Variants in SOX5 observed in about 807,000 individuals in gnomAD.
SOX5 encodes SRY-box transcription factor 5.
SOX5 carries 9 observed loss-of-function variants against 92.0 expected under a neutral mutation model. The ratio of observed to expected loss-of-function variants is 0.10; its 90% CI spans 0.06 to 0.17. SOX5 has a LOEUF of 0.17. Ranked by LOEUF, SOX5 falls within the 10% of genes least tolerant of loss-of-function variation. The pLI is 1.00. For missense variants in SOX5, 642 were observed against 944.5 expected (o/e 0.68, Z 4.20); for synonymous variants, 344 against 336.3 (o/e 1.02, Z -0.25).
intron 6 of SOX5, among the ~76,000 whole-genome samples, chr12:23,730,899 G>C (rs1304110301): frequency 6.6e-6 from 1 of 152,166 alleles, no homozygotes; most frequent in Non-Finnish European, 1.5e-5. Context: ...GGATTACCTA[G>C]ATACCTGGTA....
chr12:23,589,600 A>T (rs1951234818), intron 9 of SOX5, among the ~76,000 whole-genome samples: 1 of 152,014 alleles, frequency 6.6e-6, no homozygotes, highest in Non-Finnish European at 1.5e-5. Context: ...GCTGGGAAGT[A>T]AGGCATAGTT....
intron 4 of SOX5, among the ~76,000 whole-genome samples, chr12:24,063,849 G>A (rs1940183658): frequency 6.6e-6 from 1 of 152,172 alleles, no homozygotes; most frequent in Non-Finnish European, 1.5e-5. Context: ...TAATATCTCT[G>A]GGCCTCTGTT....
At chr12:24,089,593 A>G (rs749483260) in intron 4 of SOX5, among the ~76,000 whole-genome samples, 1 of 152,176 alleles carries the variant, frequency 6.6e-6, no homozygotes, top group Non-Finnish European at 1.5e-5. Flanking sequence ...CTATATTGTC[A>G]TCTTTGATAA....
At chr12:24,208,381 T>G (rs1053243653) in intron 4 of SOX5, among the ~76,000 whole-genome samples, 6 of 152,164 alleles carry the variant, frequency 3.9e-5, no homozygotes, top group African/African-American at 1.4e-4. Context: ...ATTCAAAGTC[T>G]TCTTATTATT....
At chr12:23,600,431 T>C (rs2074288575) in intron 9 of SOX5, among the ~76,000 whole-genome samples, 1 of 149,898 alleles carries the variant, frequency 6.7e-6, no homozygotes, top group African/African-American at 2.5e-5. Flanking sequence ...AAAAATTTTA[T>C]TGTAACAGCT....
rs185968056 is a variant in SOX5, at chr12:24,325,844, G to C, written c.-174+42719C>G. Among the ~76,000 whole-genome samples the C allele has an allele frequency of 3.1e-3, 472 of 152,280 alleles. 3 individuals are homozygous for C. Among genetic ancestry groups the C allele is most frequent in the Non-Finnish European group, 5.0e-3 (340 of 68,028 alleles). ...GCCTTGTAATAAGGATTAAGTAAGA[G>C]AGCACTTTAGGTAAGGGTGATAATA... is the stretch of plus-strand genomic sequence containing the variant. On this transcript the variant is annotated intron_variant, in intron 2 of 4. Transcript: ENST00000446891.
At chr12:24,498,226 A>G (rs74446188) in intron 1 of SOX5, among the ~76,000 whole-genome samples, 1 of 152,170 alleles carries the variant, frequency 6.6e-6, no homozygotes, top group Non-Finnish European at 1.5e-5. Context: ...AAAAAAAAAA[A>G]ATACTCAGGA....
intron 9 of SOX5, among the ~76,000 whole-genome samples, chr12:23,585,878 T>C (rs754772585): frequency 6.6e-6 from 1 of 152,164 alleles, no homozygotes; most frequent in African/African-American, 2.4e-5. Flanking sequence ...GTGGGTGTCA[T>C]GGCAACGGCC....
chr12:23,675,910 T>C (rs771990435), intron 6 of SOX5, among the ~76,000 whole-genome samples: 1 of 152,052 alleles, frequency 6.6e-6, no homozygotes, highest in Non-Finnish European at 1.5e-5. Flanking sequence ...CTATCAATCA[T>C]CTGGGAAATG....
chr12:24,386,335 T>A (rs1006050094), intron 1 of SOX5, among the ~76,000 whole-genome samples: 1 of 152,188 alleles, frequency 6.6e-6, no homozygotes, highest in Non-Finnish European at 1.5e-5. Flanking sequence ...CTGTCTTTTA[T>A]TAAACCCTAC....
chr12:24,473,801 T>C (rs1269934294), intron 1 of SOX5, among the ~76,000 whole-genome samples: 1 of 152,192 alleles, frequency 6.6e-6, no homozygotes, highest in Non-Finnish European at 1.5e-5. Flanking sequence ...TTCTAGTATC[T>C]GCAACTCAGA....
rs1950885895 is a variant in SOX5, at chr12:24,144,545, T to G, written c.-2+68798A>C. Among the ~76,000 whole-genome samples the G allele has an allele frequency of 3.3e-5, 5 of 152,240 alleles. No individual in the cohort carries two copies. The South Asian group carries it at 8.3e-4, about 25-fold the overall frequency. On this transcript the variant is annotated intron_variant, in intron 4 of 4. Transcript: ENST00000446891. ...GAAAAGCCAAGTACAGCAGCTCACA[T>G]CTCTAAACCCAGCAGTTTGGGAGGC... is the stretch of plus-strand genomic sequence containing the variant.
At chr12:23,749,890 A>G (rs2094129857) in intron 4 of SOX5, among the ~76,000 whole-genome samples, 1 of 151,850 alleles carries the variant, frequency 6.6e-6, no homozygotes, top group Non-Finnish European at 1.5e-5. Context: ...TACATTCCAA[A>G]CTTTGAGCCA....
At chr12:24,419,296 C>A (rs532782668) in intron 1 of SOX5, among the ~76,000 whole-genome samples, 1 of 152,194 alleles carries the variant, frequency 6.6e-6, no homozygotes, top group African/African-American at 2.4e-5. Context: ...CACCACCATG[C>A]CAGGCTAATT....
At chr12:24,441,546 AT>A (rs929310634) in intron 1 of SOX5, among the ~76,000 whole-genome samples, 10 of 152,128 alleles carry the variant, frequency 6.6e-5, no homozygotes, top group East Asian at 3.9e-4. Context: ...CAAAGTGTTG[AT>A]TTTTTTTCCC....
intron 7 of SOX5, among the ~76,000 whole-genome samples, chr12:23,664,919 G>T (rs1007371015): frequency 6.6e-6 from 1 of 152,126 alleles, no homozygotes; most frequent in Non-Finnish European, 1.5e-5. Context: ...GTCAAGTCAG[G>T]CAAGCGCTCC....
intron 2 of SOX5, among the ~76,000 whole-genome samples, chr12:23,894,224 C>CTATTATTAT (rs141143701): frequency 2.0e-5 from 3 of 151,620 alleles, no homozygotes; most frequent in Non-Finnish European, 2.9e-5. Flanking sequence ...TAAAACATTA[C>CTATTATTAT]TATTATTATT....
intron 3 of SOX5, among the ~76,000 whole-genome samples, chr12:23,797,344 A>G (rs1002888357): frequency 5.3e-5 from 8 of 152,016 alleles, no homozygotes; most frequent in African/African-American, 1.9e-4. Flanking sequence ...TTGGCCATAT[A>G]ATATGCTTTT....
intron 9 of SOX5, among the ~76,000 whole-genome samples, chr12:23,596,682 G>T (rs374301454): frequency 2.3e-4 from 35 of 152,140 alleles, no homozygotes; most frequent in African/African-American, 8.2e-4. Flanking sequence ...GCTTTAGGAA[G>T]TCAAAATTAT....
Sources: gnomAD v4.1 joint callset for allele counts (sites outside exome capture counted in the v4.1 genomes callset) on GRCh38, gnomAD v4.1.1 for gene constraint, MANE v1.5 for transcripts, NCBI Gene and HGNC (gene_info 2026-07-23, HGNC 2026-07-21) for gene names.